The following RAP1GDS1 variants were observed in gnomAD, a reference collection of about 807,000 sequenced individuals.
The protein encoded by RAP1GDS1 is Rap1 GTPase-GDP dissociation stimulator 1.
Under a neutral mutation model 71.1 loss-of-function variants are expected in RAP1GDS1, and 35 were observed. The ratio of observed to expected loss-of-function variants is 0.49; its 90% CI spans 0.38 to 0.65. The LOEUF (loss-of-function observed/expected upper bound fraction) is 0.65, where lower values mean the gene tolerates loss of function less well. Among genes scored for constraint, RAP1GDS1 ranks in the 30% least tolerant of loss-of-function variants. The pLI is 0.00. For synonymous variants in RAP1GDS1, 229 were observed against 243.1 expected (o/e 0.94, Z 0.54); for missense variants, 663 against 706.1 (o/e 0.94, Z 0.69).
chr4:98,421,040 A>G (rs1283945741), intron 11 of RAP1GDS1, among the ~76,000 whole-genome samples: 1 of 152,234 alleles, frequency 6.6e-6, no homozygotes, highest in Non-Finnish European at 1.5e-5. Context: ...CCAAAAGAGT[A>G]TGAAGTCATT....
chr4:98,262,662 G>A (rs1722196082), intron 1 of RAP1GDS1, among the ~76,000 whole-genome samples: 1 of 152,128 alleles, frequency 6.6e-6, no homozygotes, highest in Non-Finnish European at 1.5e-5. Flanking sequence ...CTGTCAGCTG[G>A]GACTTTTCCC....
intron 12 of RAP1GDS1, among the ~76,000 whole-genome samples, chr4:98,426,365 A>G (rs1410429462): frequency 6.6e-6 from 1 of 152,186 alleles, no homozygotes; most frequent in South Asian, 2.1e-4. Context: ...GAAAGGAAAT[A>G]ACCAAGATCA....
chr4:98,319,928 G>A (rs1731542484), intron 2 of RAP1GDS1, among the ~76,000 whole-genome samples: 1 of 152,092 alleles, frequency 6.6e-6, no homozygotes, highest in Middle Eastern at 3.4e-3. Context: ...CCTCTGAGGC[G>A]GCAAGACCAA....
At chr4:98,267,069 A>T (rs766046172) in intron 1 of RAP1GDS1, among the ~76,000 whole-genome samples, 78 of 152,206 alleles carry the variant, frequency 5.1e-4, no homozygotes, top group Non-Finnish European at 7.6e-4. Context: ...TGTTTGGATA[A>T]CTGATAAGGA....
intron 1 of RAP1GDS1, among the ~76,000 whole-genome samples, chr4:98,268,681 T>TTTCTGAGGA (rs1723025595): frequency 6.6e-6 from 1 of 151,958 alleles, no homozygotes; most frequent in South Asian, 2.1e-4. Flanking sequence ...AACAGCAAAC[T>TTTCTGAGGA]TTCTGAGGAT....
intron 1 of RAP1GDS1, among the ~76,000 whole-genome samples, chr4:98,292,309 T>G (rs563837252): frequency 2.0e-5 from 3 of 152,032 alleles, no homozygotes; most frequent in Non-Finnish European, 4.4e-5. Context: ...TTTATTTTTA[T>G]TTTTCTTAGA....
intron 3 of RAP1GDS1, among the ~76,000 whole-genome samples, chr4:98,344,968 C>T (rs1240824701): frequency 3.9e-5 from 6 of 152,078 alleles, no homozygotes; most frequent in Non-Finnish European, 7.4e-5. Context: ...GGACCATAGG[C>T]ATGTGCCACC....
intron 6 of RAP1GDS1, among the ~76,000 whole-genome samples, chr4:98,395,007 A>G (rs1442996557): frequency 1.3e-5 from 2 of 152,128 alleles, no homozygotes; most frequent in Non-Finnish European, 2.9e-5. Context: ...CTGATCCTAA[A>G]CTGATCACAT....
At chr4:98,402,932 T>C (rs1745641076) in intron 6 of RAP1GDS1, among the ~76,000 whole-genome samples, 1 of 152,190 alleles carries the variant, frequency 6.6e-6, no homozygotes, top group Non-Finnish European at 1.5e-5. Flanking sequence ...AACTAACATA[T>C]AATTACAAGT....
chr4:98,293,137 G>C (rs1727211934), intron 1 of RAP1GDS1, among the ~76,000 whole-genome samples: 1 of 152,028 alleles, frequency 6.6e-6, no homozygotes, highest in Non-Finnish European at 1.5e-5. Flanking sequence ...TAAGTTATAA[G>C]AATATGGAAA....
intron 2 of RAP1GDS1, among the ~76,000 whole-genome samples, chr4:98,339,226 A>G (rs1272691972): frequency 6.6e-6 from 1 of 152,190 alleles, no homozygotes; most frequent in Non-Finnish European, 1.5e-5. Flanking sequence ...GAGTGAGGAC[A>G]TAGGGCTTCA....
At chr4:98,394,684 G>A (rs998976268) in intron 6 of RAP1GDS1, among the ~76,000 whole-genome samples, 9 of 151,902 alleles carry the variant, frequency 5.9e-5, no homozygotes, top group East Asian at 1.9e-4. Flanking sequence ...TCTAAGTTAC[G>A]AACACATGAA....
intron 4 of RAP1GDS1, among the ~76,000 whole-genome samples, chr4:98,373,360 A>G (rs1176374179): frequency 1.3e-5 from 2 of 148,764 alleles, no homozygotes; most frequent in Non-Finnish European, 3.0e-5. Context: ...CCTTTAAGAG[A>G]TTCTCTCTCT....
At chr4:98,385,515 A>G (rs1190855549) in intron 5 of RAP1GDS1, among the ~76,000 whole-genome samples, 1 of 151,878 alleles carries the variant, frequency 6.6e-6, no homozygotes, top group Non-Finnish European at 1.5e-5. Flanking sequence ...CCATTTACAA[A>G]GTCCATTCAG....
chr4:98,317,010 G>A (rs1014464926), intron 2 of RAP1GDS1, among the ~76,000 whole-genome samples: 3 of 152,136 alleles, frequency 2.0e-5, no homozygotes, highest in Non-Finnish European at 2.9e-5. Context: ...CTGTCCATAT[G>A]GTTTGGGAGA....
chr4:98,328,322 G>C (rs1733443825), intron 2 of RAP1GDS1, among the ~76,000 whole-genome samples: 1 of 152,208 alleles, frequency 6.6e-6, no homozygotes, highest in Non-Finnish European at 1.5e-5. Flanking sequence ...GTGAAAAAAA[G>C]TAGCATTGAG....
intron 1 of RAP1GDS1, among the ~76,000 whole-genome samples, chr4:98,270,107 G>T (rs1723245869): frequency 6.6e-6 from 1 of 152,050 alleles, no homozygotes; most frequent in Admixed American, 6.5e-5. Context: ...GAAACCTTGT[G>T]CCCTCACACA....
At chr4:98,439,863 C>T (rs531898997) in intron 14 of RAP1GDS1, among the ~76,000 whole-genome samples, 1 of 152,234 alleles carries the variant, frequency 6.6e-6, no homozygotes, top group Non-Finnish European at 1.5e-5. Flanking sequence ...CTGTTTTAAC[C>T]ATTTTTAAGT....
chr4:98,418,953 T>C (rs1748414460), intron 10 of RAP1GDS1, among the ~76,000 whole-genome samples, 162 bp downstream of exon 10: 1 of 152,224 alleles, frequency 6.6e-6, no homozygotes, highest in African/African-American at 2.4e-5. Flanking sequence ...ATGGAGATCA[T>C]ATGTTAAATA....
Sources: gnomAD v4.1 joint callset for allele counts (sites outside exome capture counted in the v4.1 genomes callset) on GRCh38, gnomAD v4.1.1 for gene constraint, MANE v1.5 for transcripts, NCBI Gene and HGNC (gene_info 2026-07-23, HGNC 2026-07-21) for gene names.